TMEM150B: variants seen among roughly 807,000 people sequenced by gnomAD.
The protein encoded by TMEM150B is modulator of macroautophagy TMEM150B.
A neutral mutation model predicts 25.2 loss-of-function variants in TMEM150B; 33 were observed. That is an observed-to-expected ratio of 1.31 (90% confidence interval 0.99 to 1.75). The LOEUF (loss-of-function observed/expected upper bound fraction) is 1.75. TMEM150B is among the 40% of genes most tolerant of loss of function. TMEM150B has a pLI of 0.00. For missense variants in TMEM150B, 322 were observed against 306.1 expected (o/e 1.05, Z -0.39); for synonymous variants, 133 against 134.8 (o/e 0.99, Z 0.09).
chr19:55,313,182 G>A (rs921383783), intron 7 of TMEM150B, 127 bp from the exon 8 acceptor site: 6 of 966,450 alleles, frequency 6.2e-6, no homozygotes, highest in African/African-American at 3.3e-5. Flanking sequence ...CCCTTCCCCC[G>A]TAGCTCCTCA....
chr19:55,321,205 C>T, intron 2 of TMEM150B, 112 bp from the exon 3 acceptor site: 1 of 1,364,770 alleles, frequency 7.3e-7, no homozygotes, highest in Non-Finnish European at 9.6e-7. Context: ...ATCTGATTGG[C>T]CAGCTCTCCA....
chr19:55,320,099 C>G lies in TMEM150B; in HGVS notation c.264G>C (p.Gln88His). 1 of 1,614,170 alleles carries G rather than the reference C, an allele frequency of 6.2e-7. No homozygotes were observed. The highest frequency in any genetic ancestry group is 8.5e-7 in the Non-Finnish European group (1 of 1,180,020). The change falls in exon 6 of 8, where the codon CAG (glutamine) becomes CAC (histidine). Residue 88 changes from glutamine to histidine, a missense_variant. Gln to His is a conservative substitution (Grantham distance 24). Transcript: ENST00000326652. ...ACAGAAGACCCGTCCATAGGATCAG[C>G]TGGTTAGGCCACCTTCTGACGCCCC... ...RDWGVRRWPN[Q>H]LILWTGLLCA...
downstream of TMEM150B, chr19:55,312,256 G>A (rs574940419): frequency 5.2e-5 from 21 of 403,658 alleles, no homozygotes; most frequent in South Asian, 1.3e-3. Flanking sequence ...AACAGGGGGC[G>A]GGGGAGCTGT....
intron 7 of TMEM150B, among the ~76,000 whole-genome samples, chr19:55,314,955 A>C (rs1204265081): frequency 6.6e-6 from 1 of 152,164 alleles, no homozygotes; most frequent in Non-Finnish European, 1.5e-5. Context: ...CCCACAAATG[A>C]GAAAGACCCC....
At chr19:55,324,398 C>T (rs1009237168) in intron 1 of TMEM150B, among the ~76,000 whole-genome samples, 5 of 151,756 alleles carry the variant, frequency 3.3e-5, no homozygotes, top group Middle Eastern at 3.4e-3. Context: ...GCCTGCAATC[C>T]CAGCACTTTG....
downstream of TMEM150B, chr19:55,312,615 T>C (rs2088835015): frequency 1.7e-5 from 6 of 358,100 alleles, no homozygotes; most frequent in Non-Finnish European, 2.5e-5. Context: ...CCTTGGCCTC[T>C]CGATTCCTGG....
intron 6 of TMEM150B, 91 bp downstream of exon 6, chr19:55,319,948 C>A (rs561753947): frequency 1.9e-6 from 3 of 1,569,924 alleles, no homozygotes; most frequent in African/African-American, 2.7e-5. Flanking sequence ...AACCAGCCCC[C>A]GAGACAATAA....
intron 7 of TMEM150B, among the ~76,000 whole-genome samples, chr19:55,315,703 G>C (rs2088974581): frequency 6.6e-6 from 1 of 151,910 alleles, no homozygotes; most frequent in East Asian, 1.9e-4. Context: ...GGAGCTTACA[G>C]TGAGCCAAGA....
At position 55,312,951 on chromosome 19, in the gene TMEM150B, A is replaced by G. The variant is rs1233170901; in HGVS notation, c.610T>C (p.Ser204Pro). Residue 204 changes from serine to proline, a missense_variant, in exon 8 of 8, where the codon TCC becomes CCC. Ser to Pro is a moderately conservative substitution (Grantham distance 74). Coordinates refer to ENST00000326652, the MANE Select transcript of TMEM150B (RefSeq NM_001282011.2). ...ALFGLLAVDF[S>P]ALESCTLCVQ... is the part of the protein sequence containing the mutation. ...CACAGGGTGCAGCTCTCCAGGGCGG[A>G]GAAGTCAACGGCTAAGAGACCGAAG... 1 of 1,613,338 alleles carries G rather than the reference A, an allele frequency of 6.2e-7. No individual in the cohort carries two copies. Among genetic ancestry groups the G allele is most frequent in the East Asian group, 2.2e-5 (1 of 44,862 alleles).
At chr19:55,325,003 C>T (rs2089297618) in intron 1 of TMEM150B, 1 of 436,924 alleles carries the variant, frequency 2.3e-6, no homozygotes, top group African/African-American at 2.1e-5. Flanking sequence ...CCTGCCCTGC[C>T]CTGTCCTGTG....
intron 6 of TMEM150B, chr19:55,319,756 T>G: frequency 1.6e-6 from 2 of 1,239,418 alleles, no homozygotes; most frequent in Non-Finnish European, 2.0e-6. Flanking sequence ...GGACCAGTAA[T>G]TTCATCATTA....
At chr19:55,315,021 A>T (rs926557528) in intron 7 of TMEM150B, among the ~76,000 whole-genome samples, 1 of 152,156 alleles carries the variant, frequency 6.6e-6, no homozygotes, top group Non-Finnish European at 1.5e-5. Context: ...ACCTATCAGA[A>T]TTAATCACTG....
downstream of TMEM150B, chr19:55,312,098 C>T (rs1329986551): frequency 1.9e-6 from 2 of 1,071,874 alleles, no homozygotes; most frequent in Admixed American, 6.6e-5. Flanking sequence ...GAGGGGACCC[C>T]CCTCCACCCC....
chr19:55,322,382 C>T (rs1243084887), intron 2 of TMEM150B, among the ~76,000 whole-genome samples: 35 of 152,108 alleles, frequency 2.3e-4, no homozygotes. Flanking sequence ...CTCTCCTCCC[C>T]TTCACACCTG....
At chr19:55,325,212 C>T (rs1358377755) in intron 1 of TMEM150B, 60 bp downstream of exon 1, 1 of 936,018 alleles carries the variant, frequency 1.1e-6, no homozygotes, top group East Asian at 1.2e-4. Flanking sequence ...CCTGGGAGGA[C>T]AGGGGACAGG....
chr19:55,323,390 C>A (rs1651737530), intron 1 of TMEM150B, among the ~76,000 whole-genome samples: 2 of 151,812 alleles, frequency 1.3e-5, no homozygotes, highest in Admixed American at 1.3e-4. Flanking sequence ...CCAGATCATG[C>A]CATTGGACTC....
chr19:55,321,242 C>T (rs1271956284), intron 2 of TMEM150B, 149 bp from the exon 3 acceptor site: 11 of 1,185,378 alleles, frequency 9.3e-6, no homozygotes, highest in South Asian at 3.3e-5. Context: ...CCACCTATCC[C>T]GCAGTGTTCA....
chr19:55,312,816 T>C lies in TMEM150B; in HGVS notation c.*43A>G. ...GGGGCACTGGGATTGGCCCCATCTT[T>C]CCTGCTTCACTGGTGAGGGCAAGGC... On this transcript the variant is annotated 3_prime_UTR_variant, in exon 8 of 8. Transcript: ENST00000326652. The C allele has an allele frequency of 6.5e-7, 1 of 1,528,424 alleles. No individual in the cohort carries two copies. Among genetic ancestry groups the C allele is most frequent in the South Asian group, 1.2e-5 (1 of 81,264 alleles). 94.7% of individuals were successfully genotyped at this position (1,528,424 alleles called of 1,614,324 possible). A position where few individuals can be genotyped will look rare whatever the true frequency, so the allele number is the denominator to read the frequency against.
In TMEM150B at chr19:55,312,897, G is replaced by T; in HGVS notation, c.664C>A (p.Pro222Thr). The change falls in exon 8 of 8, where the codon CCG becomes ACG. Residue 222 changes from proline to threonine, a missense_variant. Transcript: ENST00000326652. ...GGCAGGGAGATGGGGGAGGCCGGCG[G>T]GGGGCTGAGGCTGGGCCACGGCTGA... ...CVQPWPSLSP[P>T]PASPISLPVQ... is the part of the protein sequence containing the mutation. 6.2e-7 allele frequency: 1 copy of T among 1,603,658 alleles called. No individual in the cohort carries two copies. The highest frequency in any genetic ancestry group is 8.5e-7 in the Non-Finnish European group (1 of 1,176,044).
Sources: allele counts gnomAD v4.1 joint callset (sites outside exome capture counted in the v4.1 genomes callset), GRCh38; gene constraint gnomAD v4.1.1; transcripts MANE v1.5; gene names NCBI Gene and HGNC (gene_info 2026-07-23, HGNC 2026-07-21).